NALCN: variants seen among roughly 807,000 people sequenced by gnomAD.
The protein encoded by NALCN is sodium leak channel NALCN.
In NALCN, 111 loss-of-function variants were observed where a neutral mutation model predicts 225.3. The ratio of observed to expected loss-of-function variants is 0.49; its 90% CI spans 0.42 to 0.58. The LOEUF is 0.58. NALCN is among the 20% of genes least tolerant of loss of function. The probability of loss-of-function intolerance (pLI) is 0.00; values close to 1 mark genes in which losing one functional copy is unlikely to be tolerated. For missense variants in NALCN, 1,378 were observed against 2,202.4 expected, an observed-to-expected ratio of 0.63 and a Z score of 7.49; for synonymous variants, 764 against 769.0, an observed-to-expected ratio of 0.99 and a Z score of 0.11.
intron 18 of NALCN, among the ~76,000 whole-genome samples, chr13:101,112,195 CAAA>C (rs56693949): frequency 7.3e-4 from 81 of 111,086 alleles, no homozygotes; most frequent in African/African-American, 2.3e-3. Context: ...AACCACAGTT[CAAA>C]AAAAAAAAAA....
At chr13:101,152,113 T>G (rs1284907394) in intron 15 of NALCN, among the ~76,000 whole-genome samples, 1 of 152,228 alleles carries the variant, frequency 6.6e-6, no homozygotes, top group Non-Finnish European at 1.5e-5. Flanking sequence ...GGTTTTCAAT[T>G]ATTTGGACGC....
chr13:101,257,423 A>C (rs2042275441), intron 11 of NALCN, among the ~76,000 whole-genome samples: 1 of 152,150 alleles, frequency 6.6e-6, no homozygotes, highest in Non-Finnish European at 1.5e-5. Flanking sequence ...GGTACATGCA[A>C]TCAATTCTTT....
Position 101,054,346 on chromosome 13 carries a change from A to C in NALCN, c.*949T>G, listed in dbSNP as rs2030942694. 6.6e-6 allele frequency: 1 copy of C among 152,240 alleles called. No homozygotes were observed. Among genetic ancestry groups the C allele is most frequent in the African/African-American group, 2.4e-5 (1 of 41,456 alleles). 9.4% of individuals were successfully genotyped at this position (152,240 alleles called of 1,614,324 possible). A position where few individuals can be genotyped will look rare whatever the true frequency, so the allele number is the denominator to read the frequency against. On this transcript the variant is annotated 3_prime_UTR_variant, in exon 44 of 44. Transcript: ENST00000251127. ...TTAACAGAGATGTCATTTCAAATCT[A>C]ACGTAGCAATGGTGTGTTAGGATCA...
intron 7 of NALCN, among the ~76,000 whole-genome samples, chr13:101,300,947 C>T (rs2043943565): frequency 6.6e-6 from 1 of 152,186 alleles, no homozygotes; most frequent in Admixed American, 6.5e-5. Context: ...ACTCTTTTGG[C>T]ACAACTTGCC....
At chr13:101,340,067 A>T (rs2139276557) in intron 7 of NALCN, among the ~76,000 whole-genome samples, 1 of 151,492 alleles carries the variant, frequency 6.6e-6, no homozygotes, top group Admixed American at 6.6e-5. Flanking sequence ...GGAGATCGAG[A>T]CCCTCCTGGC....
chr13:101,334,126 T>A (rs900865483), intron 7 of NALCN, among the ~76,000 whole-genome samples: 2 of 149,492 alleles, frequency 1.3e-5, no homozygotes, highest in Non-Finnish European at 3.0e-5. Context: ...CTGAGACAAC[T>A]GGGTCTAATG....
At chr13:101,336,609 T>C (rs1360272548) in intron 7 of NALCN, among the ~76,000 whole-genome samples, 1 of 152,220 alleles carries the variant, frequency 6.6e-6, no homozygotes, top group East Asian at 1.9e-4. Context: ...GACTTGTAGT[T>C]TTCTTATCTA....
rs998176594 is a variant in NALCN at position 101,229,403 on chromosome 13, G to A, written c.1616C>T (p.Thr539Met). The A allele has an allele frequency of 6.3e-6, 10 of 1,576,082 alleles. No individual in the cohort carries two copies. Among genetic ancestry groups the A allele is most frequent in the Non-Finnish European group, 7.7e-6 (9 of 1,162,628 alleles). The change falls in exon 13 of 44, where the codon ACG (threonine) becomes ATG (methionine). Residue 539 changes from threonine to methionine, a missense_variant. Coordinates refer to ENST00000251127, the MANE Select transcript of NALCN (RefSeq NM_052867.4). Reference sequence around the variant, plus strand: ...TTTTAAAACTCTTACCCTCGGAAACGTAGTAAATCTGTCCAGTTCTTCGAC... The same window carrying A: ...TTTTAAAACTCTTACCCTCGGAAACATAGTAAATCTGTCCAGTTCTTCGAC... The part of the protein sequence containing the change: ...CFVEELDRFT[T>M]FPRAFMSMFQ...
At chr13:101,078,498 C>CTT (rs1397106382) in intron 34 of NALCN, among the ~76,000 whole-genome samples, 1 of 152,200 alleles carries the variant, frequency 6.6e-6, no homozygotes, top group African/African-American at 2.4e-5. Flanking sequence ...TATTTTGGAA[C>CTT]TTTAATGTTT....
intron 14 of NALCN, among the ~76,000 whole-genome samples, chr13:101,186,671 G>C (rs1368595034): frequency 6.6e-6 from 1 of 151,958 alleles, no homozygotes; most frequent in Non-Finnish European, 1.5e-5. Context: ...TTAAAAGTTT[G>C]AACAGTTTAC....
chr13:101,252,942 G>T (rs1431742262), intron 11 of NALCN, among the ~76,000 whole-genome samples: 1 of 152,008 alleles, frequency 6.6e-6, no homozygotes, highest in East Asian at 1.9e-4. Flanking sequence ...GATAAATTTT[G>T]TTAAATGTAC....
intron 10 of NALCN, among the ~76,000 whole-genome samples, chr13:101,260,614 A>C (rs1236865710): frequency 2.0e-5 from 3 of 152,174 alleles, no homozygotes; most frequent in African/African-American, 7.2e-5. Flanking sequence ...CATTTCTCTG[A>C]TGATCAATGA....
At chr13:101,399,280 T>C (rs1439221787) in intron 1 of NALCN, 115 bp from the exon 2 acceptor site, 1 of 571,716 alleles carries the variant, frequency 1.7e-6, no homozygotes, top group Admixed American at 3.3e-5. Flanking sequence ...TACTCCATAG[T>C]GTATAATAAA....
chr13:101,349,175 C>A (rs1020000180), intron 6 of NALCN, among the ~76,000 whole-genome samples: 2 of 152,262 alleles, frequency 1.3e-5, no homozygotes, highest in Admixed American at 6.5e-5. Context: ...TCACATATTT[C>A]TTGAATAAAG....
At chr13:101,301,847 G>A (rs2043983781) in intron 7 of NALCN, among the ~76,000 whole-genome samples, 1 of 152,098 alleles carries the variant, frequency 6.6e-6, no homozygotes, top group South Asian at 2.1e-4. Context: ...GTGTGAGTCA[G>A]TACACCCTGG....
chr13:101,113,761 CA>C (rs2035562424), intron 18 of NALCN, among the ~76,000 whole-genome samples: 1 of 152,196 alleles, frequency 6.6e-6, no homozygotes, highest in African/African-American at 2.4e-5. Flanking sequence ...TGTGAAAGCA[CA>C]AAAAAAGACT....
chr13:101,137,417 T>TCATC (rs1172272517), intron 17 of NALCN, among the ~76,000 whole-genome samples: 1 of 152,150 alleles, frequency 6.6e-6, no homozygotes, highest in Non-Finnish European at 1.5e-5. Flanking sequence ...AAACATTCAT[T>TCATC]CATCCTGGAA....
Position 101,107,289 on chromosome 13 carries a change from T to C in NALCN, c.2579+198A>G, listed in dbSNP as rs142232444. ...GTTTTGTGTTTTATCAATGCGAGTTTTCTATAAATGTTAACTACTTGCGAC... is the reference window on the plus strand; with the variant it reads ...GTTTTGTGTTTTATCAATGCGAGTTCTCTATAAATGTTAACTACTTGCGAC... On this transcript the variant is annotated intron_variant, in intron 22 of 43. Transcript: ENST00000251127. Among the ~76,000 whole-genome samples the C allele has an allele frequency of 3.3e-3, 498 of 152,344 alleles. 3 individuals carry two copies. Among genetic ancestry groups the C allele is most frequent in the African/African-American group, 0.011 (473 of 41,582 alleles).
intron 11 of NALCN, among the ~76,000 whole-genome samples, chr13:101,241,195 C>T (rs2041745358): frequency 6.6e-6 from 1 of 152,190 alleles, no homozygotes; most frequent in South Asian, 2.1e-4. Context: ...ATCAATTTGG[C>T]AGTTTGTATT....
Sources: gnomAD v4.1 joint callset for allele counts (sites outside exome capture counted in the v4.1 genomes callset) on GRCh38, gnomAD v4.1.1 for gene constraint, MANE v1.5 for transcripts, NCBI Gene and HGNC (gene_info 2026-07-23, HGNC 2026-07-21) for gene names.